Variants in BCAS3 observed in about 807,000 individuals in gnomAD.
BCAS3 encodes BCAS4/BCAS3 fusion.
In BCAS3, 53 loss-of-function variants were observed where a neutral mutation model predicts 116.1. The observed-to-expected ratio is 0.46, with a 90% CI of 0.37 to 0.57. The LOEUF (loss-of-function observed/expected upper bound fraction) is 0.57. Among genes scored for constraint, BCAS3 ranks in the 20% least tolerant of loss-of-function variants. The pLI is 0.00. For synonymous variants in BCAS3, 391 were observed against 408.2 expected (o/e 0.96, Z 0.51); for missense variants, 917 against 1,165.4 (o/e 0.79, Z 3.10).
intron 9 of BCAS3, among the ~76,000 whole-genome samples, chr17:60,881,476 C>A (rs1427262458): frequency 6.6e-6 from 1 of 151,162 alleles, no homozygotes; most frequent in Non-Finnish European, 1.5e-5. Flanking sequence ...TTTTAGGGTA[C>A]ATGTGCACAT....
chr17:60,866,716 CTG>C (rs2054626693), intron 7 of BCAS3, among the ~76,000 whole-genome samples: 1 of 150,974 alleles, frequency 6.6e-6, no homozygotes, highest in African/African-American at 2.4e-5. Context: ...TTTTGGCACT[CTG>C]TACATTTTAA....
In BCAS3 at chr17:61,144,616, G is replaced by T. The variant is rs1373565482; in HGVS notation, c.2425+60052G>T. Among the ~76,000 whole-genome samples, 1 of 152,144 alleles carries T rather than the reference G, an allele frequency of 6.6e-6. No individual in the cohort carries two copies. Among genetic ancestry groups the T allele is most frequent in the Non-Finnish European group, 1.5e-5 (1 of 68,010 alleles). On this transcript the variant is annotated intron_variant, in intron 22 of 23. Transcript: ENST00000407086. The surrounding 1 kb of genome is among the most constrained non-coding windows in gnomAD (Gnocchi z 5.0). ...TGTGAAAGTTTGAAAATTTATGATT[G>T]TTGATCCTCAATAGTCAAAAAAGTA...
chr17:60,808,099 T>A (rs1481751144), intron 7 of BCAS3, 23 bp downstream of exon 7: 2 of 1,463,004 alleles, frequency 1.4e-6, no homozygotes, highest in South Asian at 1.2e-5. Context: ...TAAAAATTCT[T>A]TGTATCACCT....
At chr17:61,329,744 G>A (rs2056097806) in intron 22 of BCAS3, among the ~76,000 whole-genome samples, 1 of 152,026 alleles carries the variant, frequency 6.6e-6, no homozygotes, top group South Asian at 2.1e-4. Context: ...TCCGGGTGAG[G>A]GTGAGGAGGA....
intron 7 of BCAS3, among the ~76,000 whole-genome samples, chr17:60,816,023 A>G (rs954400100): frequency 3.3e-5 from 5 of 152,096 alleles, no homozygotes; most frequent in African/African-American, 7.2e-5. Context: ...AATCTAAGGA[A>G]TCATATGTAC....
chr17:60,957,270 A>G (rs910283439), intron 14 of BCAS3, among the ~76,000 whole-genome samples: 1 of 152,222 alleles, frequency 6.6e-6, no homozygotes. Flanking sequence ...TATAGTTAGT[A>G]TCTTCAATTG....
At chr17:60,773,540 A>G (rs1241314552) in intron 6 of BCAS3, among the ~76,000 whole-genome samples, 1 of 152,036 alleles carries the variant, frequency 6.6e-6, no homozygotes, top group Non-Finnish European at 1.5e-5. Flanking sequence ...CCATCTGCCT[A>G]TCTCAGCCTC....
Position 61,189,077 on chromosome 17 carries a change from T to G in BCAS3, c.2425+104513T>G, listed in dbSNP as rs1333179026. ...GCTATTATGCCCCTACACTCCAGCC[T>G]GGGTGACAAAACAAGACCCTGCCTG... On this transcript the variant is annotated intron_variant, in intron 22 of 23. Transcript: ENST00000407086. This position sits in a 1 kb window ranked among gnomAD's most constrained non-coding sequence, Gnocchi z 4.5. Among the ~76,000 whole-genome samples the G allele has an allele frequency of 2.0e-5, 3 of 152,064 alleles. No individual in the cohort carries two copies. The highest frequency in any genetic ancestry group is 4.4e-5 in the Non-Finnish European group (3 of 68,034).
At chr17:60,920,438 A>G (rs1220290771) in intron 12 of BCAS3, among the ~76,000 whole-genome samples, 1 of 152,222 alleles carries the variant, frequency 6.6e-6, no homozygotes, top group Non-Finnish European at 1.5e-5. Context: ...AAGGACACAC[A>G]TACACTTCTT....
chr17:61,254,597 T>C (rs1329146135), intron 22 of BCAS3, among the ~76,000 whole-genome samples: 4 of 151,290 alleles, frequency 2.6e-5, no homozygotes, highest in Non-Finnish European at 5.9e-5. Context: ...GCCAACATGG[T>C]GAAACCCCTT....
In BCAS3 at chr17:61,170,534, T is replaced by C. The variant is rs555312123; in HGVS notation, c.2425+85970T>C. ...GTCTTGATCTCCTGACCTCATGATC[T>C]GCCTGCCTTGGCCTCCCAAAGTGCT... On this transcript the variant is annotated intron_variant, in intron 22 of 23. Transcript: ENST00000407086. Among the ~76,000 whole-genome samples the C allele has an allele frequency of 2.9e-3, 443 of 151,812 alleles. 4 individuals are homozygous for C. The highest frequency in any genetic ancestry group is 0.01 in the African/African-American group (421 of 41,428).
chr17:60,940,980 G>A (rs186487019), intron 13 of BCAS3, among the ~76,000 whole-genome samples: 2 of 152,148 alleles, frequency 1.3e-5, no homozygotes, highest in Non-Finnish European at 2.9e-5. Flanking sequence ...ACCAGCTGAC[G>A]CCCAGTTGAA....
intron 5 of BCAS3, among the ~76,000 whole-genome samples, chr17:60,716,818 C>A (rs2038668059): frequency 6.6e-6 from 1 of 152,070 alleles, no homozygotes; most frequent in South Asian, 2.1e-4. Context: ...AAATTACATT[C>A]TTTTCCAGCC....
chr17:61,274,784 T>C (rs2050628360), intron 22 of BCAS3, among the ~76,000 whole-genome samples: 1 of 152,068 alleles, frequency 6.6e-6, no homozygotes, highest in South Asian at 2.1e-4. Context: ...AGCATCTCAA[T>C]TGGAAGGGAA....
rs1429743127 is a variant in BCAS3 at position 61,378,527 on chromosome 17, C to T, written c.2593+10033C>T. 1 of 152,216 alleles carries T rather than the reference C, an allele frequency of 6.6e-6. No individual in the cohort carries two copies. The highest frequency in any genetic ancestry group is 1.5e-5 in the Non-Finnish European group (1 of 68,088). 9.4% of individuals were successfully genotyped at this position (152,216 alleles called of 1,614,324 possible). On this transcript the variant is annotated intron_variant, in intron 23 of 23. Transcript: ENST00000407086. This position sits in a 1 kb window ranked among gnomAD's most constrained non-coding sequence, Gnocchi z 5.8. ...GGCCGGCCCTGGTGGTCCCTTCAGC[C>T]CCTCCCTCACCCATACTCCCACGAG...
At chr17:60,729,854 A>C (rs1033989354) in intron 5 of BCAS3, among the ~76,000 whole-genome samples, 2 of 152,224 alleles carry the variant, frequency 1.3e-5, no homozygotes, top group Non-Finnish European at 2.9e-5. Flanking sequence ...CTGAGTGATT[A>C]TGAAGTGTTT....
intron 22 of BCAS3, among the ~76,000 whole-genome samples, chr17:61,320,543 G>A (rs1365413550): frequency 6.6e-6 from 1 of 152,090 alleles, no homozygotes; most frequent in African/African-American, 2.4e-5. Flanking sequence ...TTAGCCAGGT[G>A]TGGTGGCGGG....
intron 7 of BCAS3, among the ~76,000 whole-genome samples, chr17:60,856,267 G>T (rs2053664355): frequency 6.6e-6 from 1 of 152,196 alleles, no homozygotes; most frequent in African/African-American, 2.4e-5. Flanking sequence ...GAAGGAGTAA[G>T]AAATTTTGTG....
rs939423462 is a variant in BCAS3 at position 61,077,844 on chromosome 17, T to C, written c.2131-489T>C. Among the ~76,000 whole-genome samples, 2 of 152,210 alleles carry C rather than the reference T, an allele frequency of 1.3e-5. No homozygotes were observed. The highest frequency in any genetic ancestry group is 2.4e-5 in the African/African-American group (1 of 41,464). Reference sequence around the variant, plus strand: ...ATTATTTCAGACCTTTACTTTTCCTTGGATGGTTCAAGAACAACTTCACGT... The same window carrying C: ...ATTATTTCAGACCTTTACTTTTCCTCGGATGGTTCAAGAACAACTTCACGT... On this transcript the variant is annotated intron_variant, in intron 20 of 23. Coordinates refer to ENST00000407086, the MANE Select transcript of BCAS3 (RefSeq NM_017679.5). This position sits in a 1 kb window ranked among gnomAD's most constrained non-coding sequence, Gnocchi z 4.3.
Sources: gnomAD v4.1 joint callset for allele counts (sites outside exome capture counted in the v4.1 genomes callset) on GRCh38, gnomAD v4.1.1 for gene constraint, Gnocchi (gnomAD v3.1) non-coding constraint, MANE v1.5 for transcripts, NCBI Gene and HGNC (gene_info 2026-07-23, HGNC 2026-07-21) for gene names.